The following VSTM2B variants were observed in gnomAD, a reference collection of about 807,000 sequenced individuals.
VSTM2B encodes V-set and transmembrane domain containing 2B.
In VSTM2B, 24 loss-of-function variants were observed where a neutral mutation model predicts 24.0. That is an observed-to-expected ratio of 1.00 (90% CI 0.72 to 1.40). VSTM2B has a LOEUF of 1.40. VSTM2B is among the 40% of genes most tolerant of loss of function. VSTM2B has a pLI of 0.00. For synonymous variants in VSTM2B, 226 were observed against 194.4 expected, an observed-to-expected ratio of 1.16 and a Z score of -1.35; for missense variants, 399 against 416.4, an observed-to-expected ratio of 0.96 and a Z score of 0.36.
chr19:29,527,417 A>ACCGGCGCGCGC, intron 2 of VSTM2B, 22 bp downstream of exon 2: 1 of 1,461,064 alleles, frequency 6.8e-7, no homozygotes, highest in Non-Finnish European at 9.0e-7. Context: ...CCCACGCGGT[A>ACCGGCGCGCGC]CCGGCGCGCG....
upstream of VSTM2B, chr19:29,525,867 C>A (rs1198165379): frequency 1.6e-5 from 2 of 126,844 alleles, no homozygotes; most frequent in African/African-American, 2.9e-5. Context: ...AGAGGGGGAG[C>A]GCTCTGGGGC....
At chr19:29,531,649 G>C (rs1204722261) in intron 4 of VSTM2B, among the ~76,000 whole-genome samples, 1 of 152,226 alleles carries the variant, frequency 6.6e-6, no homozygotes, top group African/African-American at 2.4e-5. Context: ...ATCCGTCTTG[G>C]ATGCCACACA....
chr19:29,563,064 C>T (rs1042986293), intron 4 of VSTM2B, among the ~76,000 whole-genome samples: 3 of 152,014 alleles, frequency 2.0e-5, no homozygotes, highest in Non-Finnish European at 4.4e-5. Flanking sequence ...TCAGGATGCC[C>T]CAGACAGGGT....
intron 4 of VSTM2B, among the ~76,000 whole-genome samples, chr19:29,549,360 A>C (rs1021745901): frequency 2.0e-5 from 3 of 151,462 alleles, no homozygotes; most frequent in Non-Finnish European, 4.4e-5. Flanking sequence ...CCAATGCTGC[A>C]CCCATGCTGC....
At chr19:29,525,925 AGCGGTGGAGGCGGCTTG>A (rs1969548372), upstream of VSTM2B, among the ~76,000 whole-genome samples, 2 of 150,106 alleles carry the variant, frequency 1.3e-5, no homozygotes, top group Non-Finnish European at 3.0e-5. Context: ...GGGGCGATGC[AGCGGTGGAGGCGGCTTG>A]GCGCCCAGCC....
chr19:29,533,991 A>G (rs2145472303), intron 4 of VSTM2B, among the ~76,000 whole-genome samples: 1 of 152,318 alleles, frequency 6.6e-6, no homozygotes, highest in East Asian at 1.9e-4. Context: ...CCTCTTGGTT[A>G]ATAGTCAAGA....
At chr19:29,553,059 G>T (rs1970322870) in intron 4 of VSTM2B, among the ~76,000 whole-genome samples, 1 of 152,158 alleles carries the variant, frequency 6.6e-6, no homozygotes, top group South Asian at 2.1e-4. Context: ...AATCTGGGCA[G>T]TCTGGACAAG....
chr19:29,529,505 T>A (rs988650711), intron 3 of VSTM2B, among the ~76,000 whole-genome samples: 10 of 152,160 alleles, frequency 6.6e-5, no homozygotes, highest in Non-Finnish European at 1.0e-4. Flanking sequence ...ACTCTGCCCT[T>A]CTGAAGCGCC....
At chr19:29,554,409 C>T (rs1303431303) in intron 4 of VSTM2B, among the ~76,000 whole-genome samples, 2 of 152,156 alleles carry the variant, frequency 1.3e-5, no homozygotes, top group Non-Finnish European at 1.5e-5. Flanking sequence ...TGCAAGAGCT[C>T]CTGAAGGAAG....
In VSTM2B at chr19:29,526,821, G is replaced by A; in HGVS notation, c.82+156G>A. 1.5e-6 allele frequency: 1 copy of A among 647,010 alleles called. No individual in the cohort carries two copies. The highest frequency in any genetic ancestry group is 1.9e-5 in the African/African-American group (1 of 51,926). 40.1% of individuals were successfully genotyped at this position (647,010 alleles called of 1,614,324 possible). A position where few individuals can be genotyped will look rare whatever the true frequency, so the allele number is the denominator to read the frequency against. On this transcript the variant is annotated intron_variant, in intron 1 of 4. Coordinates refer to ENST00000335523, the MANE Select transcript of VSTM2B (RefSeq NM_001146339.2). The surrounding 1 kb of genome is among the most constrained non-coding windows in gnomAD (Gnocchi z 4.1). ...CCCGGAGGGGTAGGGAGAGGCGAGC[G>A]GCGAAGGGTCGCCGCAGCAGCAGCG...
chr19:29,552,828 G>A (rs895473023), intron 4 of VSTM2B, among the ~76,000 whole-genome samples: 3 of 152,190 alleles, frequency 2.0e-5, no homozygotes, highest in African/African-American at 7.2e-5. Flanking sequence ...CCACAGTGCA[G>A]CACAGCAGCT....
chr19:29,555,098 C>T lies in VSTM2B; in HGVS notation c.770-8748C>T, dbSNP rs187145254. 1.4e-3 allele frequency among the ~76,000 whole-genome samples: 209 copies of T among 152,248 alleles called. No homozygotes were observed. The Middle Eastern group carries it at 0.02, about 15-fold the overall frequency. On this transcript the variant is annotated intron_variant, in intron 4 of 4. Coordinates refer to ENST00000335523, the MANE Select transcript of VSTM2B (RefSeq NM_001146339.2). Reference sequence around the variant, plus strand: ...TACAGAAGTCTCCACCCTAAAACAACGGAATATGCATTCTTCTTGGTGACA... The same window carrying T: ...TACAGAAGTCTCCACCCTAAAACAATGGAATATGCATTCTTCTTGGTGACA...
chr19:29,559,237 A>G (rs1036592549), intron 4 of VSTM2B, among the ~76,000 whole-genome samples: 3 of 152,274 alleles, frequency 2.0e-5, no homozygotes, highest in African/African-American at 7.2e-5. Context: ...GATAGGCTGG[A>G]TAAAGAAAAT....
intron 4 of VSTM2B, among the ~76,000 whole-genome samples, chr19:29,531,302 C>G (rs1969752936): frequency 6.6e-6 from 1 of 152,218 alleles, no homozygotes; most frequent in African/African-American, 2.4e-5. Flanking sequence ...GGGAGCATCT[C>G]TCCTGGCCAC....
At chr19:29,554,758 G>C (rs1276628668) in intron 4 of VSTM2B, among the ~76,000 whole-genome samples, 1 of 151,930 alleles carries the variant, frequency 6.6e-6, no homozygotes, top group East Asian at 1.9e-4. Flanking sequence ...AAAAAGCAGG[G>C]GTTGCAATTC....
intron 4 of VSTM2B, among the ~76,000 whole-genome samples, chr19:29,531,967 G>T (rs531005851): frequency 9.2e-5 from 14 of 152,356 alleles, no homozygotes; most frequent in African/African-American, 2.9e-4. Flanking sequence ...CATAGAGCCA[G>T]CAGACCAGTG....
At chr19:29,542,762 A>T (rs1970054834) in intron 4 of VSTM2B, among the ~76,000 whole-genome samples, 1 of 152,170 alleles carries the variant, frequency 6.6e-6, no homozygotes. Context: ...GATTTGGGAT[A>T]CAAGTTGAGG....
At chr19:29,528,406 G>A (rs931521188) in intron 2 of VSTM2B, 27 bp from the exon 3 acceptor site, 1 of 1,551,020 alleles carries the variant, frequency 6.4e-7, no homozygotes, top group African/African-American at 1.4e-5. Context: ...CGAGCCTCAC[G>A]TCTCTCTCTC....
chr19:29,555,116 TG>T (rs1970377288), intron 4 of VSTM2B, among the ~76,000 whole-genome samples: 1 of 152,184 alleles, frequency 6.6e-6, no homozygotes, highest in East Asian at 1.9e-4. Flanking sequence ...GCATTCTTCT[TG>T]GTGACACATG....
Sources: gnomAD v4.1 joint callset for allele counts (sites outside exome capture counted in the v4.1 genomes callset) on GRCh38, gnomAD v4.1.1 for gene constraint, Gnocchi (gnomAD v3.1) non-coding constraint, MANE v1.5 for transcripts, NCBI Gene and HGNC (gene_info 2026-07-23, HGNC 2026-07-21) for gene names.